The following SLC9B1 variants were observed in gnomAD, a reference collection of about 807,000 sequenced individuals.
SLC9B1 encodes sodium/hydrogen exchanger 9B1.
SLC9B1 carries 32 observed loss-of-function variants against 51.7 expected under a neutral mutation model. The ratio of observed to expected loss-of-function variants is 0.62; its 90% CI spans 0.47 to 0.83. The LOEUF (loss-of-function observed/expected upper bound fraction) is 0.83. Among genes scored for constraint, SLC9B1 ranks in the 40% least tolerant of loss-of-function variants. The probability of loss-of-function intolerance (pLI) is 0.00; values close to 1 mark genes in which losing one functional copy is unlikely to be tolerated. For missense variants in SLC9B1, 406 were observed against 613.2 expected (o/e 0.66, Z 3.57); for synonymous variants, 145 against 212.7 (o/e 0.68, Z 2.77).
At chr4:102,903,712 G>T (rs565676732) in intron 11 of SLC9B1, among the ~76,000 whole-genome samples, 16 of 152,330 alleles carry the variant, frequency 1.1e-4, no homozygotes, top group African/African-American at 3.8e-4. Context: ...ACAATAAGTA[G>T]CAATATATTT....
intron 1 of SLC9B1, among the ~76,000 whole-genome samples, chr4:103,011,979 T>C (rs1560531974): frequency 6.6e-6 from 1 of 152,228 alleles, no homozygotes; most frequent in Non-Finnish European, 1.5e-5. Flanking sequence ...CTTCCATCCA[T>C]ACTAATCTGC....
chr4:102,979,803 C>G (rs1253954327), intron 3 of SLC9B1, among the ~76,000 whole-genome samples: 1 of 151,994 alleles, frequency 6.6e-6, no homozygotes, highest in African/African-American at 2.4e-5. Flanking sequence ...TCCCCGCTCT[C>G]TACAACCTAC....
At chr4:102,938,592 C>A (rs1736835441) in intron 6 of SLC9B1, among the ~76,000 whole-genome samples, 1 of 152,110 alleles carries the variant, frequency 6.6e-6, no homozygotes, top group African/African-American at 2.4e-5. Flanking sequence ...CTGTACATGG[C>A]ATATATTGTA....
At chr4:102,969,038 G>C (rs1356332170) in intron 3 of SLC9B1, among the ~76,000 whole-genome samples, 1 of 152,220 alleles carries the variant, frequency 6.6e-6, no homozygotes, top group Non-Finnish European at 1.5e-5. Flanking sequence ...TGGGAAGCTC[G>C]AACTGGGTGG....
At chr4:102,951,475 A>C (rs1737551007) in intron 3 of SLC9B1, among the ~76,000 whole-genome samples, 1 of 152,162 alleles carries the variant, frequency 6.6e-6, no homozygotes, top group Non-Finnish European at 1.5e-5. Flanking sequence ...TGTATTTTCA[A>C]AGGGACTAGA....
chr4:102,934,493 A>G (rs1228375099), intron 6 of SLC9B1, among the ~76,000 whole-genome samples: 1 of 152,166 alleles, frequency 6.6e-6, no homozygotes, highest in African/African-American at 2.4e-5. Context: ...TCAAAAGGAA[A>G]AGTAGTAATA....
At chr4:102,911,197 A>G (rs1364584278) in intron 8 of SLC9B1, among the ~76,000 whole-genome samples, 17 of 152,328 alleles carry the variant, frequency 1.1e-4, no homozygotes, top group Admixed American at 7.8e-4. Flanking sequence ...GATACTCTGC[A>G]TTAAGTATAT....
intron 6 of SLC9B1, among the ~76,000 whole-genome samples, chr4:102,944,578 A>G (rs1434065381): frequency 6.6e-6 from 1 of 152,268 alleles, no homozygotes; most frequent in Non-Finnish European, 1.5e-5. Flanking sequence ...TATGTAATGG[A>G]TGAACTTTGC....
chr4:102,906,712 T>TC (rs66628131), intron 9 of SLC9B1, 68 bp from the exon 10 acceptor site: 120 of 811,504 alleles, frequency 1.5e-4, no homozygotes, highest in Middle Eastern at 8.1e-4. Context: ...CTTAAAGTCT[T>TC]CCCCCCCCTT....
Position 102,946,664 on chromosome 4 carries a change from GC to G in SLC9B1, c.507del (p.Gly171AspfsTer7), listed in dbSNP as rs1737284606. ...AAATCTACCTGTGGATCGAGTCCAA[GC>G]CCAGCTCTTATTAGAATAATGGTAA... ...IALTIILIRA[G>X]LGLDPQALRH... On this transcript the variant is annotated frameshift_variant, in exon 5 of 12. Transcript: ENST00000296422. LOFTEE classifies it high-confidence loss of function. The G allele has an allele frequency of 6.2e-7, 1 of 1,608,236 alleles. No individual in the cohort carries two copies. Among genetic ancestry groups the G allele is most frequent in the Non-Finnish European group, 8.5e-7 (1 of 1,178,746 alleles).
chr4:102,962,460 T>A (rs1738189092), intron 3 of SLC9B1: 1 of 509,406 alleles, frequency 2.0e-6, no homozygotes, highest in African/African-American at 2.0e-5. Context: ...CAGAGCATTT[T>A]TGCAGAAATT....
chr4:102,929,438 C>T (rs1736340457), intron 7 of SLC9B1, among the ~76,000 whole-genome samples: 1 of 152,194 alleles, frequency 6.6e-6, no homozygotes, highest in South Asian at 2.1e-4. Context: ...GAACAAGAGC[C>T]AAGCAAGTAT....
intron 1 of SLC9B1, among the ~76,000 whole-genome samples, chr4:102,999,476 G>T (rs1243992417): frequency 6.6e-6 from 1 of 151,988 alleles, no homozygotes; most frequent in Non-Finnish European, 1.5e-5. Context: ...CAAAAATCTG[G>T]ATCCCTTTTG....
rs138557664 is a variant in SLC9B1, at chr4:102,927,977, C to G, written c.829+4147G>C. Among the ~76,000 whole-genome samples, 197 of 150,818 alleles carry G rather than the reference C, an allele frequency of 1.3e-3. 1 individual carries two copies. The highest frequency in any genetic ancestry group is 4.7e-3 in the African/African-American group (194 of 40,992). The stretch of plus-strand genomic sequence containing the variant: ...ACTCTCAGCAAAACTATCACAAGGA[C>G]AGAAAACCAAACACCGCATGTTCTC... On this transcript the variant is annotated intron_variant, in intron 7 of 11. Coordinates refer to ENST00000296422, the MANE Select transcript of SLC9B1 (RefSeq NM_139173.4).
chr4:102,972,887 T>G (rs1487513106), intron 3 of SLC9B1, among the ~76,000 whole-genome samples: 1 of 152,168 alleles, frequency 6.6e-6, no homozygotes, highest in Non-Finnish European at 1.5e-5. Context: ...AGATGAAACG[T>G]GATTTTAATT....
intron 6 of SLC9B1, among the ~76,000 whole-genome samples, chr4:102,937,585 C>A (rs1736786961): frequency 6.6e-6 from 1 of 150,836 alleles, no homozygotes; most frequent in South Asian, 2.1e-4. Context: ...ATTAGCTGGG[C>A]ATGGTGATGC....
chr4:102,899,251 A>G (rs1734677302), downstream of SLC9B1, among the ~76,000 whole-genome samples: 1 of 151,332 alleles, frequency 6.6e-6, no homozygotes, highest in African/African-American at 2.4e-5. Flanking sequence ...TCAATAAATA[A>G]AGAATAAAAA....
In SLC9B1 at chr4:102,949,353, A is replaced by G. The variant is rs1469034793; in HGVS notation, c.286T>C (p.Phe96Leu). Residue 96 changes from phenylalanine to leucine, a missense_variant, in exon 4 of 12, where the codon TTT (phenylalanine) becomes CTT (leucine). Coordinates refer to ENST00000296422, the MANE Select transcript of SLC9B1 (RefSeq NM_139173.4). ...CTATAAAAAATAATGAACAACCCAAATAAATTTCCACCAGGGAGAGCTTCA... is the reference window on the plus strand; with the variant it reads ...CTATAAAAAATAATGAACAACCCAAGTAAATTTCCACCAGGGAGAGCTTCA... Reference protein sequence around the residue: ...GSEALPGGNLFGLFIIFYSAI... With the variant: ...GSEALPGGNLLGLFIIFYSAI... 1.9e-6 allele frequency: 3 copies of G among 1,611,148 alleles called. No homozygotes were observed. The highest frequency in any genetic ancestry group is 2.2e-5 in the East Asian group (1 of 44,794).
intron 6 of SLC9B1, 83 bp downstream of exon 6, chr4:102,945,110 T>C (rs1373892546): frequency 6.8e-6 from 9 of 1,330,414 alleles, no homozygotes; most frequent in Non-Finnish European, 8.9e-6. Flanking sequence ...AGCTTTTCTA[T>C]ACAACATTCT....
Sources: allele counts gnomAD v4.1 joint callset (sites outside exome capture counted in the v4.1 genomes callset), GRCh38; gene constraint gnomAD v4.1.1; transcripts MANE v1.5; gene names NCBI Gene and HGNC (gene_info 2026-07-23, HGNC 2026-07-21).